The following GALNTL6 variants were observed in gnomAD, a reference collection of about 807,000 sequenced individuals.
GALNTL6 encodes the protein polypeptide N-acetylgalactosaminyltransferase-like 6.
A neutral mutation model predicts 73.7 loss-of-function variants in GALNTL6; 46 were observed. That is an observed-to-expected ratio of 0.62 (90% confidence interval 0.49 to 0.80). GALNTL6 has a LOEUF of 0.80. GALNTL6 is among the 30% of genes least tolerant of loss of function. The probability of loss-of-function intolerance (pLI) is 0.00; values close to 1 mark genes in which losing one functional copy is unlikely to be tolerated. For missense variants in GALNTL6, 604 were observed against 755.0 expected (o/e 0.80, Z 2.34); for synonymous variants, 259 against 263.7 (o/e 0.98, Z 0.17).
At chr4:172,351,231 C>T (rs1218649143) in intron 5 of GALNTL6, among the ~76,000 whole-genome samples, 1 of 151,772 alleles carries the variant, frequency 6.6e-6, no homozygotes, top group Non-Finnish European at 1.5e-5. Flanking sequence ...ATCTATCTAC[C>T]TCTTTACTGA....
At chr4:172,950,775 G>T (rs1749404102) in intron 9 of GALNTL6, among the ~76,000 whole-genome samples, 1 of 152,198 alleles carries the variant, frequency 6.6e-6, no homozygotes, top group Non-Finnish European at 1.5e-5. Flanking sequence ...TCTCATTAAA[G>T]TTCCTGACCA....
chr4:172,207,426 GAGA>G (rs942277354), intron 2 of GALNTL6, among the ~76,000 whole-genome samples: 4 of 152,122 alleles, frequency 2.6e-5, no homozygotes, highest in Non-Finnish European at 4.4e-5. Context: ...TCTTTCCTGA[GAGA>G]AGAAGAGGAA....
intron 5 of GALNTL6, among the ~76,000 whole-genome samples, chr4:172,673,053 T>C (rs1267453720): frequency 6.6e-6 from 1 of 151,982 alleles, no homozygotes; most frequent in East Asian, 1.9e-4. Context: ...TTATTTCTTC[T>C]CTTGCATTGG....
At chr4:172,224,098 A>G (rs1241275882) in intron 2 of GALNTL6, among the ~76,000 whole-genome samples, 1 of 152,204 alleles carries the variant, frequency 6.6e-6, no homozygotes, top group Non-Finnish European at 1.5e-5. Flanking sequence ...GGCAATGGAA[A>G]TAACTCAACT....
At chr4:172,078,666 A>C (rs1282945349) in intron 2 of GALNTL6, among the ~76,000 whole-genome samples, 2 of 152,168 alleles carry the variant, frequency 1.3e-5, no homozygotes, top group Non-Finnish European at 2.9e-5. Context: ...GATATGTAGA[A>C]CTAGTATTTT....
intron 7 of GALNTL6, among the ~76,000 whole-genome samples, chr4:172,866,783 A>G (rs568495067): frequency 6.6e-6 from 1 of 152,208 alleles, no homozygotes; most frequent in South Asian, 2.1e-4. Context: ...CTCACCCTTC[A>G]GGGCCCTAAC....
At chr4:172,059,930 G>A (rs549327906) in intron 2 of GALNTL6, among the ~76,000 whole-genome samples, 2 of 152,234 alleles carry the variant, frequency 1.3e-5, no homozygotes, top group South Asian at 2.1e-4. Context: ...AATATGAAGG[G>A]CACAGGGCTC....
chr4:172,109,013 C>CAAAA (rs202017302), intron 2 of GALNTL6, among the ~76,000 whole-genome samples: 22 of 108,322 alleles, frequency 2.0e-4, no homozygotes, highest in East Asian at 1.4e-3. Flanking sequence ...ACTCCATCTC[C>CAAAA]AAAAAAAAAA....
intron 2 of GALNTL6, among the ~76,000 whole-genome samples, chr4:172,163,172 AT>A (rs1318448465): frequency 6.6e-6 from 1 of 152,064 alleles, no homozygotes; most frequent in Non-Finnish European, 1.5e-5. Context: ...ATTCAAATGC[AT>A]TTATAATTTT....
chr4:172,648,824 C>T (rs1335247662), intron 5 of GALNTL6, among the ~76,000 whole-genome samples: 1 of 152,152 alleles, frequency 6.6e-6, no homozygotes, highest in Non-Finnish European at 1.5e-5. Flanking sequence ...AAATAATTCT[C>T]CCTGGATTAG....
intron 4 of GALNTL6, among the ~76,000 whole-genome samples, chr4:172,312,077 T>C (rs1409459743): frequency 2.0e-5 from 3 of 152,210 alleles, no homozygotes; most frequent in Non-Finnish European, 4.4e-5. Flanking sequence ...TTTTGCTGGT[T>C]ATTAGAGCTA....
intron 5 of GALNTL6, among the ~76,000 whole-genome samples, chr4:172,393,887 C>T (rs185237724): frequency 6.6e-6 from 1 of 151,974 alleles, no homozygotes; most frequent in East Asian, 1.9e-4. Context: ...TCAATTTTTG[C>T]CAGAATTTTA....
intron 2 of GALNTL6, among the ~76,000 whole-genome samples, chr4:172,089,227 T>C (rs1172441538): frequency 6.6e-6 from 1 of 152,058 alleles, no homozygotes; most frequent in African/African-American, 2.4e-5. Flanking sequence ...GGCATTTCTA[T>C]GGAAACAGAA....
intron 8 of GALNTL6, among the ~76,000 whole-genome samples, chr4:172,891,404 C>A (rs1746023084): frequency 6.6e-6 from 1 of 152,124 alleles, no homozygotes; most frequent in Non-Finnish European, 1.5e-5. Flanking sequence ...TTCTCCTTCA[C>A]TTTTGAAGCT....
rs1011629190 is a variant in GALNTL6 at position 172,809,420 on chromosome 4, C to T, written c.613C>T (p.Arg205Cys). The T allele has an allele frequency of 5.0e-6, 8 of 1,613,808 alleles. No individual in the cohort carries two copies. Among genetic ancestry groups the T allele is most frequent in the Non-Finnish European group, 5.9e-6 (7 of 1,179,818 alleles). Residue 205 changes from arginine (R) to cysteine (C), a missense_variant, in exon 6 of 13, where the codon CGC (arginine) becomes TGC (cysteine). Physicochemically the swap from Arg to Cys is radical, Grantham distance 180 (BLOSUM62 -3). Transcript: ENST00000506823. The surrounding 1 kb of genome is among the most constrained non-coding windows in gnomAD (Gnocchi z 4.4). ...MARFSKVRIV[R>C]TKKREGLIRT... ...CCGATTTTCCAAAGTGAGGATTGTT[C>T]GCACCAAGAAAAGAGAAGGACTCAT...
chr4:172,960,978 G>C (rs1167002132), intron 10 of GALNTL6, among the ~76,000 whole-genome samples: 4 of 149,556 alleles, frequency 2.7e-5, no homozygotes, highest in Non-Finnish European at 5.9e-5. Context: ...AGTGGAGAAG[G>C]GGTAGAGACA....
intron 4 of GALNTL6, among the ~76,000 whole-genome samples, chr4:172,341,098 G>A (rs750342385): frequency 6.6e-6 from 1 of 152,186 alleles, no homozygotes; most frequent in Non-Finnish European, 1.5e-5. Flanking sequence ...GTAAGCAGGG[G>A]AAATTGTATC....
intron 2 of GALNTL6, among the ~76,000 whole-genome samples, chr4:171,933,415 TTTTAG>T (rs1167785108): frequency 2.0e-5 from 3 of 152,244 alleles, no homozygotes; most frequent in African/African-American, 7.2e-5. Context: ...GACAAATGAG[TTTTAG>T]TTTATTTTCT....
chr4:172,227,146 G>A (rs547293463), intron 2 of GALNTL6, among the ~76,000 whole-genome samples: 3 of 152,162 alleles, frequency 2.0e-5, no homozygotes, highest in Admixed American at 2.0e-4. Flanking sequence ...TGCTAATTAG[G>A]CTATTTCCCA....
Sources: gnomAD v4.1 joint callset for allele counts (sites outside exome capture counted in the v4.1 genomes callset) on GRCh38, gnomAD v4.1.1 for gene constraint, Gnocchi (gnomAD v3.1) non-coding constraint, MANE v1.5 for transcripts, NCBI Gene and HGNC (gene_info 2026-07-23, HGNC 2026-07-21) for gene names.